GDPD5: variants seen among roughly 807,000 people sequenced by gnomAD.
GDPD5 encodes glycerophosphodiester phosphodiesterase domain containing 5, also known as glycerophosphodiester phosphodiesterase 2.
A neutral mutation model predicts 75.1 loss-of-function variants in GDPD5; 48 were observed. The ratio of observed to expected loss-of-function variants is 0.64; its 90% CI spans 0.51 to 0.81. GDPD5 has a LOEUF of 0.81. Ranked by LOEUF, GDPD5 falls within the 40% of genes least tolerant of loss-of-function variation. GDPD5 has a pLI of 0.00. For missense variants in GDPD5, 706 were observed against 822.6 expected (o/e 0.86, Z 1.73); for synonymous variants, 336 against 339.0 (o/e 0.99, Z 0.10).
intron 1 of GDPD5, among the ~76,000 whole-genome samples, chr11:75,501,500 A>G (rs944001657): frequency 6.6e-6 from 1 of 152,244 alleles, no homozygotes. Flanking sequence ...ACATCCTGGA[A>G]ACAGGGACTC....
At chr11:75,437,165 C>T (rs554306014) in intron 15 of GDPD5, 117 bp from the exon 16 acceptor site, 10 of 708,448 alleles carry the variant, frequency 1.4e-5, no homozygotes, top group Non-Finnish European at 2.4e-5. Flanking sequence ...GGACTCTTGT[C>T]CCACTGTACA....
intron 1 of GDPD5, among the ~76,000 whole-genome samples, chr11:75,494,996 G>A (rs1201682479): frequency 2.6e-5 from 4 of 151,798 alleles, no homozygotes; most frequent in Non-Finnish European, 4.4e-5. Context: ...GGCTGGACAT[G>A]GTGGCTCACG....
chr11:75,468,679 G>GCCCC (rs71036054), intron 3 of GDPD5, among the ~76,000 whole-genome samples: 12 of 144,524 alleles, frequency 8.3e-5, no homozygotes, highest in South Asian at 2.3e-4. Flanking sequence ...CTCCCCCGAC[G>GCCCC]CCCCCCCCCC....
chr11:75,458,302 G>A lies in GDPD5; in HGVS notation c.222-516C>T, dbSNP rs138532898. Among the ~76,000 whole-genome samples the A allele has an allele frequency of 7.9e-5, 12 of 152,300 alleles. No homozygotes were observed. The East Asian group carries it at 1.5e-3, about 20-fold the overall frequency. On this transcript the variant is annotated intron_variant, in intron 4 of 16. Coordinates refer to ENST00000336898, the MANE Select transcript of GDPD5 (RefSeq NM_030792.8). ...CTTCAATGTTAAGATGTGAAAATTG[G>A]GGGTCTTAGAATTGATCGAATGTAA...
chr11:75,519,780 G>T (rs1023142653), intron 1 of GDPD5, among the ~76,000 whole-genome samples: 1 of 152,192 alleles, frequency 6.6e-6, no homozygotes, highest in African/African-American at 2.4e-5. Flanking sequence ...TCACAATTTG[G>T]AAGTTTTGCA....
chr11:75,457,019 T>C (rs1303440901), intron 5 of GDPD5, among the ~76,000 whole-genome samples: 1 of 152,218 alleles, frequency 6.6e-6, no homozygotes, highest in African/African-American at 2.4e-5. Flanking sequence ...TCCCAGATGA[T>C]TCCAGGCCTC....
chr11:75,461,661 A>G lies in GDPD5; in HGVS notation c.221+1125T>C, dbSNP rs73494869. On this transcript the variant is annotated intron_variant, in intron 4 of 16. Coordinates refer to ENST00000336898, the MANE Select transcript of GDPD5 (RefSeq NM_030792.8). Reference sequence around the variant, plus strand: ...AGCTTTGAGCCCTGTTGTGTCCATCATCTCAGTTCATCCTCAGAAAGACCT... The same window carrying G: ...AGCTTTGAGCCCTGTTGTGTCCATCGTCTCAGTTCATCCTCAGAAAGACCT... 6.0e-3 allele frequency among the ~76,000 whole-genome samples: 912 copies of G among 152,312 alleles called. 10 individuals carry two copies. The highest frequency in any genetic ancestry group is 0.021 in the African/African-American group (858 of 41,552).
chr11:75,439,121 G>C (rs1485018464), intron 15 of GDPD5, among the ~76,000 whole-genome samples: 1 of 152,228 alleles, frequency 6.6e-6, no homozygotes. Flanking sequence ...TGCAGAAACG[G>C]CCGTGGGAAC....
At chr11:75,489,913 G>T (rs79873512) in intron 2 of GDPD5, among the ~76,000 whole-genome samples, 1 of 151,980 alleles carries the variant, frequency 6.6e-6, no homozygotes, top group Admixed American at 6.6e-5. Context: ...GACCTGCCTG[G>T]GTTTGAAACC....
rs1258328140 is a variant in GDPD5 at position 75,435,555 on chromosome 11, T to A, written c.1770A>T (p.Arg590=). ...ANSTATPVGP[R]GGGSHTKTLI... ...GGGTCTTGGTGTGGCTGCCACCCCC[T>A]CGGGGGCCCACAGGGGTGGCGGTGC... The change falls in exon 17 of 17, where the codon CGA becomes CGT. Residue 590 remains arginine, a synonymous_variant. Coordinates refer to ENST00000336898, the MANE Select transcript of GDPD5 (RefSeq NM_030792.8). 6.2e-7 allele frequency: 1 copy of A among 1,612,678 alleles called. No individual in the cohort carries two copies. Among genetic ancestry groups the A allele is most frequent in the Admixed American group, 1.7e-5 (1 of 59,958 alleles).
intron 3 of GDPD5, among the ~76,000 whole-genome samples, chr11:75,470,079 T>C (rs1287396970): frequency 6.6e-6 from 1 of 152,084 alleles, no homozygotes; most frequent in East Asian, 1.9e-4. Flanking sequence ...TTGTCAGTTA[T>C]AGGAGGAGGG....
At chr11:75,452,101 A>G (rs1949175521) in intron 6 of GDPD5, 1 of 152,192 alleles carries the variant, frequency 6.6e-6, no homozygotes, top group Non-Finnish European at 1.5e-5. Context: ...CATTCATTCG[A>G]TGAGTCTGGC....
At chr11:75,510,603 G>C (rs1475528723) in intron 1 of GDPD5, among the ~76,000 whole-genome samples, 1 of 152,042 alleles carries the variant, frequency 6.6e-6, no homozygotes, top group South Asian at 2.1e-4. Flanking sequence ...TTTCACCTCT[G>C]CTCCAGCTGT....
In GDPD5 at chr11:75,435,668, A is replaced by G; in HGVS notation, c.1670-13T>C. 1 of 1,583,124 alleles carries G rather than the reference A, an allele frequency of 6.3e-7. No individual in the cohort carries two copies. The highest frequency in any genetic ancestry group is 8.6e-7 in the Non-Finnish European group (1 of 1,160,554). ...CCATCGCTGATCTCTGCTGGGCCAG[A>G]GGGAGACAGAATGTGAGTCGGGGAG... is the stretch of plus-strand genomic sequence containing the variant. On this transcript the variant is annotated splice_polypyrimidine_tract_variant and intron_variant, in intron 16 of 16. Transcript: ENST00000336898.
chr11:75,514,065 A>G lies in GDPD5; in HGVS notation c.-145+11145T>C, dbSNP rs1431759879. On this transcript the variant is annotated intron_variant, in intron 1 of 16. Transcript: ENST00000336898. ...AGCCACTCCAAGGAGAGACTCAAAC[A>G]TGACTGCCCTTGAGCTGGGTGAGTT... 5.3e-5 allele frequency among the ~76,000 whole-genome samples: 8 copies of G among 152,330 alleles called. No individual in the cohort carries two copies. In the South Asian group the frequency reaches 1.0e-3, roughly 20 times the overall value.
At chr11:75,488,717 A>G (rs1169626114) in intron 2 of GDPD5, among the ~76,000 whole-genome samples, 1 of 152,046 alleles carries the variant, frequency 6.6e-6, no homozygotes, top group Non-Finnish European at 1.5e-5. Context: ...ATTCCCCCCA[A>G]CAAAAGCCCA....
chr11:75,436,742 T>C (rs575374726), intron 16 of GDPD5, among the ~76,000 whole-genome samples, 194 bp downstream of exon 16: 1 of 152,016 alleles, frequency 6.6e-6, no homozygotes, highest in Non-Finnish European at 1.5e-5. Context: ...TGTGTGGGGG[T>C]GTGTGTTTTC....
chr11:75,461,151 TC>T (rs1010917649), intron 4 of GDPD5, among the ~76,000 whole-genome samples: 1 of 152,062 alleles, frequency 6.6e-6, no homozygotes, highest in Non-Finnish European at 1.5e-5. Flanking sequence ...TCTCTGGGCC[TC>T]CATTTCCCCA....
chr11:75,457,632 A>T, intron 5 of GDPD5, 61 bp downstream of exon 5: 1 of 1,409,142 alleles, frequency 7.1e-7, no homozygotes, highest in East Asian at 2.3e-5. Flanking sequence ...AGCCCAGCAC[A>T]GGGCCAGTAT....
Sources: allele counts gnomAD v4.1 joint callset (sites outside exome capture counted in the v4.1 genomes callset), GRCh38; gene constraint gnomAD v4.1.1; transcripts MANE v1.5; gene names NCBI Gene and HGNC (gene_info 2026-07-23, HGNC 2026-07-21).